The following QKI variants were observed in gnomAD, a reference collection of about 807,000 sequenced individuals.
The protein encoded by QKI is KH domain-containing RNA-binding protein QKI.
In QKI, 10 loss-of-function variants were observed where a neutral mutation model predicts 39.0. The observed-to-expected ratio is 0.26, with a 90% confidence interval of 0.16 to 0.43. The LOEUF (loss-of-function observed/expected upper bound fraction) is 0.43. QKI is among the 20% of genes least tolerant of loss of function. QKI has a pLI of 1.00. For synonymous variants in QKI, 204 were observed against 155.4 expected (o/e 1.31, Z -2.33); for missense variants, 218 against 428.0 (o/e 0.51, Z 4.33).
chr6:163,558,383 C>T (rs548946248), intron 4 of QKI, among the ~76,000 whole-genome samples: 24 of 151,430 alleles, frequency 1.6e-4, no homozygotes, highest in African/African-American at 5.3e-4. Context: ...ACCCTGTTGT[C>T]TCTTCTTTTT....
intron 6 of QKI, chr6:163,565,883 A>G: frequency 6.2e-7 from 1 of 1,605,478 alleles, no homozygotes; most frequent in Non-Finnish European, 8.5e-7. Context: ...TAGTGAGGAG[A>G]TTGGTATTAG....
chr6:163,547,093 T>C (rs1781931347), intron 4 of QKI, among the ~76,000 whole-genome samples: 2 of 152,194 alleles, frequency 1.3e-5, no homozygotes, highest in Non-Finnish European at 2.9e-5. Context: ...ATTTAGGAAT[T>C]AGCTTACTTT....
chr6:163,563,394 T>C (rs1423796742), intron 5 of QKI, 26 bp from the exon 6 acceptor site: 1 of 1,557,704 alleles, frequency 6.4e-7, no homozygotes, highest in African/African-American at 1.4e-5. Flanking sequence ...TCTATACTTC[T>C]TTCTAAATTT....
chr6:163,499,416 C>T (rs1026632583), intron 3 of QKI, among the ~76,000 whole-genome samples: 1 of 152,188 alleles, frequency 6.6e-6, no homozygotes, highest in South Asian at 2.1e-4. Flanking sequence ...TTGAGGAATT[C>T]TCCTTTGATG....
At chr6:163,562,248 C>G (rs1055207617) in intron 5 of QKI, among the ~76,000 whole-genome samples, 179 bp downstream of exon 5, 5 of 152,184 alleles carry the variant, frequency 3.3e-5, no homozygotes, top group African/African-American at 1.2e-4. Flanking sequence ...TGAGGACACT[C>G]TTGATTTTAT....
At chr6:163,500,413 G>A (rs955845570) in intron 3 of QKI, among the ~76,000 whole-genome samples, 1 of 152,134 alleles carries the variant, frequency 6.6e-6, no homozygotes, top group African/African-American at 2.4e-5. Flanking sequence ...TTTCCATGCT[G>A]TTAGAATTCT....
In QKI at chr6:163,478,857, C is replaced by T; in HGVS notation, c.363C>T (p.Ile121=). ...TTGAAGCAGAAACCGGATGTAAAAT[C>T]ATGGTCCGAGGCAAAGGCTCAATGA... ...KQLEAETGCK[I]MVRGKGSMRD... is the part of the protein sequence containing the mutation. The change falls in exon 3 of 8, where the codon ATC becomes ATT. Residue 121 remains isoleucine (I), a synonymous_variant. Transcript: ENST00000361752. 2 of 1,612,772 alleles carry T rather than the reference C, an allele frequency of 1.2e-6. No homozygotes were observed. Among genetic ancestry groups the T allele is most frequent in the South Asian group, 2.2e-5 (2 of 91,016 alleles).
At chr6:163,502,131 T>G (rs1443583117) in intron 3 of QKI, among the ~76,000 whole-genome samples, 1 of 152,110 alleles carries the variant, frequency 6.6e-6, no homozygotes, top group Admixed American at 6.6e-5. Flanking sequence ...AAGACCAGAC[T>G]GGGCAACACA....
chr6:163,522,357 T>G, intron 3 of QKI, among the ~76,000 whole-genome samples: 1 of 152,246 alleles, frequency 6.6e-6, no homozygotes, highest in Middle Eastern at 3.4e-3. Flanking sequence ...TATTTATGTA[T>G]TTATTAAATA....
intron 1 of QKI, among the ~76,000 whole-genome samples, chr6:163,420,177 G>T (rs1582949547): frequency 2.1e-4 from 28 of 131,656 alleles, no homozygotes; most frequent in African/African-American, 2.3e-4. Context: ...TTTTTTGGTG[G>T]TTTTTTTCTT....
intron 3 of QKI, among the ~76,000 whole-genome samples, chr6:163,532,349 G>A (rs1780918441): frequency 1.3e-5 from 2 of 152,158 alleles, no homozygotes; most frequent in Non-Finnish European, 2.9e-5. Flanking sequence ...ATTGGTTTGA[G>A]TGAATTGATT....
intron 2 of QKI, among the ~76,000 whole-genome samples, chr6:163,473,199 A>C (rs1028351131): frequency 1.3e-5 from 2 of 152,170 alleles, no homozygotes; most frequent in Non-Finnish European, 2.9e-5. Flanking sequence ...GGTTGCAGAT[A>C]TTGATGATGA....
intron 7 of QKI, chr6:163,569,742 A>G (rs1304302879): frequency 2.0e-6 from 2 of 992,992 alleles, no homozygotes; most frequent in African/African-American, 3.5e-5. Context: ...TAAAGCAGGA[A>G]TGTATATGAA....
chr6:163,476,624 G>A (rs2128224762), intron 2 of QKI, among the ~76,000 whole-genome samples: 1 of 152,312 alleles, frequency 6.6e-6, no homozygotes, highest in South Asian at 2.1e-4. Context: ...CCTGGCCTTT[G>A]CTGTTCTGTG....
intron 2 of QKI, among the ~76,000 whole-genome samples, chr6:163,470,427 C>T (rs1027685238): frequency 6.6e-6 from 1 of 152,088 alleles, no homozygotes; most frequent in Non-Finnish European, 1.5e-5. Context: ...TAGTAGGTGC[C>T]TGGCAGAAGC....
intron 3 of QKI, among the ~76,000 whole-genome samples, chr6:163,479,670 G>T (rs1051642824): frequency 8.5e-5 from 13 of 152,168 alleles, no homozygotes; most frequent in Non-Finnish European, 1.5e-4. Flanking sequence ...ACGCCTGGCG[G>T]TTTCCCCTTG....
chr6:163,502,487 CTG>C (rs1416101165), intron 3 of QKI, among the ~76,000 whole-genome samples: 1 of 152,106 alleles, frequency 6.6e-6, no homozygotes, highest in Non-Finnish European at 1.5e-5. Flanking sequence ...GATTTAAACT[CTG>C]AGAGAGCAAG....
At chr6:163,548,961 A>C (rs1216532218) in intron 4 of QKI, among the ~76,000 whole-genome samples, 1 of 152,182 alleles carries the variant, frequency 6.6e-6, no homozygotes, top group Non-Finnish European at 1.5e-5. Flanking sequence ...GTAACTCCAG[A>C]ATTCTGACTT....
At chr6:163,514,389 T>A (rs1003800178) in intron 3 of QKI, among the ~76,000 whole-genome samples, 1 of 152,154 alleles carries the variant, frequency 6.6e-6, no homozygotes, top group East Asian at 1.9e-4. Context: ...CTTAAAGATA[T>A]GTATTTTCAA....
Sources: allele counts gnomAD v4.1 joint callset (sites outside exome capture counted in the v4.1 genomes callset), GRCh38; gene constraint gnomAD v4.1.1; transcripts MANE v1.5; gene names NCBI Gene and HGNC (gene_info 2026-07-23, HGNC 2026-07-21).